The following PVT1 variants were observed in gnomAD, a reference collection of about 807,000 sequenced individuals.
PVT1 encodes Pvt1 oncogene.
intron 5 of PVT1, among the ~76,000 whole-genome samples, chr8:128,071,617 C>G (rs1813993824): frequency 6.6e-6 from 1 of 151,532 alleles, no homozygotes. Context: ...CCCAGGAGGT[C>G]AAGGCTACAG....
At chr8:127,906,389 C>G (rs551772100) in intron 3 of PVT1, among the ~76,000 whole-genome samples, 2 of 152,266 alleles carry the variant, frequency 1.3e-5, no homozygotes, top group South Asian at 4.2e-4. Context: ...TTTGAGCCTT[C>G]CAGTTGACAT....
At chr8:128,003,935 T>C (rs1048614339) in intron 4 of PVT1, among the ~76,000 whole-genome samples, 2 of 152,242 alleles carry the variant, frequency 1.3e-5, no homozygotes, top group African/African-American at 4.8e-5. Flanking sequence ...AGGTGTGAAC[T>C]GATTCAGTTT....
chr8:127,809,866 C>T (rs1323553288), intron 2 of PVT1, among the ~76,000 whole-genome samples: 1 of 152,198 alleles, frequency 6.6e-6, no homozygotes. Flanking sequence ...AATCTTCGCA[C>T]TTAGAGATTT....
intron 5 of PVT1, among the ~76,000 whole-genome samples, chr8:128,073,240 G>T (rs1187858486): frequency 3.3e-5 from 5 of 152,278 alleles, no homozygotes; most frequent in Admixed American, 3.3e-4. Context: ...AAAAAGGATG[G>T]CTTCAAGGTC....
intron 3 of PVT1, among the ~76,000 whole-genome samples, chr8:127,924,013 G>A (rs1021753092): frequency 2.0e-5 from 3 of 152,218 alleles, no homozygotes; most frequent in Non-Finnish European, 4.4e-5. Flanking sequence ...CTGGCTGTCT[G>A]CTCCATGCCC....
At chr8:127,900,560 T>C (rs1815746628) in intron 3 of PVT1, among the ~76,000 whole-genome samples, 2 of 152,194 alleles carry the variant, frequency 1.3e-5, no homozygotes, top group Non-Finnish European at 2.9e-5. Flanking sequence ...ACATAACGTA[T>C]AAGATGTCTG....
chr8:127,795,853 G>T (rs1478837787), intron 1 of PVT1: 2 of 169,384 alleles, frequency 1.2e-5, no homozygotes, highest in African/African-American at 4.8e-5. Context: ...CAAGAAGGGG[G>T]TTGTATCAAT....
chr8:127,866,239 C>A (rs1243016176), intron 2 of PVT1, among the ~76,000 whole-genome samples: 1 of 152,160 alleles, frequency 6.6e-6, no homozygotes, highest in African/African-American at 2.4e-5. Flanking sequence ...GGCCCAGCAC[C>A]CTCATGGTTT....
chr8:127,811,113 G>A (rs990909541), intron 2 of PVT1, among the ~76,000 whole-genome samples: 1 of 152,122 alleles, frequency 6.6e-6, no homozygotes, highest in African/African-American at 2.4e-5. Flanking sequence ...TGTTATCAGA[G>A]AGATACTGTT....
At chr8:128,051,826 T>A (rs1813701869) in intron 4 of PVT1, among the ~76,000 whole-genome samples, 1 of 152,208 alleles carries the variant, frequency 6.6e-6, no homozygotes, top group African/African-American at 2.4e-5. Flanking sequence ...ACTTCTACTT[T>A]GTTTATGTAT....
At chr8:127,811,088 G>A (rs1030530479) in intron 2 of PVT1, among the ~76,000 whole-genome samples, 1 of 152,034 alleles carries the variant, frequency 6.6e-6, no homozygotes, top group East Asian at 1.9e-4. Flanking sequence ...CAAACCAGCG[G>A]GTCCCTCTTC....
chr8:128,063,923 A>G (rs1359099188), intron 4 of PVT1, among the ~76,000 whole-genome samples: 5 of 152,262 alleles, frequency 3.3e-5, no homozygotes, highest in Non-Finnish European at 7.3e-5. Context: ...TCCATAATGT[A>G]TCCACTGTGT....
rs1007358992 is a variant in PVT1 at position 128,021,418 on chromosome 8, C to T, written n.912+32127C>T. On this transcript the variant is annotated intron_variant and non_coding_transcript_variant, in intron 4 of 10. Coordinates refer to ENST00000651587, the Ensembl canonical transcript of PVT1. ...ACGCCATTCTCCTGCCTCAGCCTCCCGAGTAGCTGGGACCACAGGCGCCCG... is the reference window on the plus strand; with the variant it reads ...ACGCCATTCTCCTGCCTCAGCCTCCTGAGTAGCTGGGACCACAGGCGCCCG... 1.5e-4 allele frequency among the ~76,000 whole-genome samples: 23 copies of T among 151,498 alleles called. No homozygotes were observed. In the South Asian group the frequency reaches 3.8e-3, roughly 25 times the overall value.
chr8:127,797,012 A>G (rs1814404544), intron 2 of PVT1, among the ~76,000 whole-genome samples: 1 of 151,192 alleles, frequency 6.6e-6, no homozygotes, highest in South Asian at 2.1e-4. Context: ...CCAAGTAGCT[A>G]GGATTACAGG....
intron 4 of PVT1, among the ~76,000 whole-genome samples, chr8:128,067,015 C>CT (rs1308871117): frequency 6.6e-6 from 1 of 152,174 alleles, no homozygotes; most frequent in Non-Finnish European, 1.5e-5. Context: ...CCTACCTGTC[C>CT]TGTGGGTATC....
At chr8:127,864,190 G>C (rs1175019353) in intron 2 of PVT1, among the ~76,000 whole-genome samples, 1 of 152,168 alleles carries the variant, frequency 6.6e-6, no homozygotes, top group African/African-American at 2.4e-5. Context: ...AAGGTTACGT[G>C]GGGTGAAGGG....
intron 2 of PVT1, among the ~76,000 whole-genome samples, chr8:127,849,938 GCC>G (rs1273199710): frequency 2.8e-5 from 4 of 143,170 alleles, no homozygotes; most frequent in East Asian, 2.1e-4. Context: ...TGGGTGCACA[GCC>G]TGTACATATG....
chr8:127,819,010 C>A (rs541244149), intron 2 of PVT1, among the ~76,000 whole-genome samples: 1 of 152,128 alleles, frequency 6.6e-6, no homozygotes, highest in Admixed American at 6.6e-5. Context: ...CAAGTGCTAC[C>A]GCTCCTAGCT....
intron 4 of PVT1, chr8:127,996,683 C>T (rs1422118469): frequency 1.3e-5 from 2 of 152,166 alleles, no homozygotes; most frequent in Non-Finnish European, 2.9e-5. Flanking sequence ...AATCTAAGTG[C>T]CATCCTCCCT....
Sources: gnomAD v4.1 joint callset for allele counts (sites outside exome capture counted in the v4.1 genomes callset) on GRCh38, gnomAD v4.1.1 for gene constraint, MANE v1.5 for transcripts, NCBI Gene and HGNC (gene_info 2026-07-23, HGNC 2026-07-21) for gene names.